ROR1: variants seen among roughly 807,000 people sequenced by gnomAD.
ROR1 encodes the protein inactive tyrosine-protein kinase transmembrane receptor ROR1.
ROR1 carries 19 observed loss-of-function variants against 78.8 expected under a neutral mutation model. The observed-to-expected ratio is 0.24, with a 90% CI of 0.17 to 0.35. The LOEUF (loss-of-function observed/expected upper bound fraction) is 0.35. Among genes scored for constraint, ROR1 ranks in the 10% least tolerant of loss-of-function variants. The pLI is 1.00. For missense variants in ROR1, 917 were observed against 1,177.8 expected, an observed-to-expected ratio of 0.78 and a Z score of 3.24; for synonymous variants, 386 against 433.6, an observed-to-expected ratio of 0.89 and a Z score of 1.36.
At chr1:63,850,332 G>A (rs567016753) in intron 1 of ROR1, among the ~76,000 whole-genome samples, 11 of 152,282 alleles carry the variant, frequency 7.2e-5, no homozygotes, top group South Asian at 6.2e-4. Context: ...ATTTTGCCAT[G>A]AAAACTTTGA....
chr1:63,890,180 T>C (rs1645384333), intron 1 of ROR1, among the ~76,000 whole-genome samples: 1 of 152,092 alleles, frequency 6.6e-6, no homozygotes, highest in Non-Finnish European at 1.5e-5. Flanking sequence ...ATCTGCTTTT[T>C]AATGTCCATA....
chr1:64,153,483 G>A (rs1031555875), intron 7 of ROR1, among the ~76,000 whole-genome samples: 6 of 152,174 alleles, frequency 3.9e-5, no homozygotes, highest in Non-Finnish European at 5.9e-5. Flanking sequence ...CATGATAGCC[G>A]TTTAAGGCAG....
At chr1:64,062,467 A>G (rs1305189977) in intron 4 of ROR1, among the ~76,000 whole-genome samples, 1 of 152,052 alleles carries the variant, frequency 6.6e-6, no homozygotes, top group Non-Finnish European at 1.5e-5. Flanking sequence ...GCCCGCCACC[A>G]TGCCTGGCTA....
chr1:63,877,790 T>TG (rs535743587), intron 1 of ROR1, among the ~76,000 whole-genome samples: 3 of 152,058 alleles, frequency 2.0e-5, no homozygotes, highest in African/African-American at 4.8e-5. Context: ...TTAGACATTT[T>TG]GGGGGGGAAA....
chr1:63,998,617 C>A (rs1264785932), intron 1 of ROR1, among the ~76,000 whole-genome samples: 2 of 152,024 alleles, frequency 1.3e-5, no homozygotes, highest in Non-Finnish European at 2.9e-5. Flanking sequence ...TTTTCAGGGG[C>A]TAAGTGTAAA....
At chr1:64,098,021 A>C (rs757503812) in intron 4 of ROR1, among the ~76,000 whole-genome samples, 20 of 142,566 alleles carry the variant, frequency 1.4e-4, no homozygotes, top group Non-Finnish European at 2.9e-4. Context: ...TCTGCCTCAC[A>C]CTCCCCTATA....
chr1:64,061,012 C>T (rs1366216017), intron 4 of ROR1, among the ~76,000 whole-genome samples: 1 of 152,118 alleles, frequency 6.6e-6, no homozygotes, highest in African/African-American at 2.4e-5. Flanking sequence ...TACACCCTTG[C>T]CTTCTAGGAG....
At chr1:63,936,734 C>T (rs906474199) in intron 1 of ROR1, among the ~76,000 whole-genome samples, 1 of 152,138 alleles carries the variant, frequency 6.6e-6, no homozygotes, top group Non-Finnish European at 1.5e-5. Flanking sequence ...GTGATGTTAC[C>T]CTTCTGAGCA....
At chr1:64,091,904 A>G (rs1647200819) in intron 4 of ROR1, among the ~76,000 whole-genome samples, 1 of 152,180 alleles carries the variant, frequency 6.6e-6, no homozygotes, top group Non-Finnish European at 1.5e-5. Context: ...GGATGGACAG[A>G]TCAAGGGATG....
intron 1 of ROR1, among the ~76,000 whole-genome samples, chr1:63,928,805 T>A (rs990669687): frequency 6.6e-6 from 1 of 152,230 alleles, no homozygotes; most frequent in African/African-American, 2.4e-5. Context: ...CTTAGAACAG[T>A]GCCTGGCACT....
chr1:63,895,379 G>A (rs566312216), intron 1 of ROR1, among the ~76,000 whole-genome samples: 1 of 152,270 alleles, frequency 6.6e-6, no homozygotes, highest in Admixed American at 6.5e-5. Flanking sequence ...GAAACTGTGG[G>A]TAAAGGCTAA....
chr1:64,165,653 T>C (rs920542836), intron 8 of ROR1, among the ~76,000 whole-genome samples: 2 of 151,888 alleles, frequency 1.3e-5, no homozygotes, highest in African/African-American at 4.8e-5. Flanking sequence ...ATATCCTGAA[T>C]GGTATTGCCT....
rs1211782653 is a variant in ROR1 at position 63,786,339 on chromosome 1, C to T, written c.91+11831C>T. 3.1e-5 allele frequency among the ~76,000 whole-genome samples: 4 copies of T among 127,338 alleles called. No homozygotes were observed. In the East Asian group the frequency reaches 1.1e-3, roughly 35 times the overall value. The allele number at this position is 127,338 out of a possible 152,430, so 83.5% of individuals were successfully genotyped here. ...CCAGGCTGGAGTGCAGTGGCACAAT[C>T]TCTGCTCACTGCAAGCTCCGCCTCC... On this transcript the variant is annotated intron_variant, in intron 1 of 8. Transcript: ENST00000371079.
At chr1:63,971,343 T>A (rs1484727431) in intron 1 of ROR1, among the ~76,000 whole-genome samples, 1 of 152,228 alleles carries the variant, frequency 6.6e-6, no homozygotes, top group African/African-American at 2.4e-5. Flanking sequence ...TTAATATATG[T>A]GTAACACACT....
intron 1 of ROR1, among the ~76,000 whole-genome samples, chr1:63,870,773 A>G (rs903818774): frequency 4.6e-5 from 7 of 152,190 alleles, no homozygotes; most frequent in African/African-American, 1.4e-4. Context: ...TGATAACTCA[A>G]ACCTTTCCAA....
chr1:64,135,146 G>A (rs1649060887), intron 4 of ROR1, among the ~76,000 whole-genome samples: 1 of 152,070 alleles, frequency 6.6e-6, no homozygotes, highest in Non-Finnish European at 1.5e-5. Flanking sequence ...CAGGATAGTA[G>A]GAATTCTGGG....
chr1:63,843,730 A>G (rs1645063591), intron 1 of ROR1: 2 of 445,184 alleles, frequency 4.5e-6, no homozygotes, highest in Non-Finnish European at 8.8e-6. Flanking sequence ...GCCGCAGAAG[A>G]CAAGAGCACT....
intron 2 of ROR1, among the ~76,000 whole-genome samples, chr1:64,022,063 T>C (rs1646569403): frequency 6.6e-6 from 1 of 152,112 alleles, no homozygotes; most frequent in East Asian, 1.9e-4. Flanking sequence ...TATTTGGCCA[T>C]AAAAAGGAAT....
At chr1:64,020,790 G>A (rs1300799632) in intron 2 of ROR1, among the ~76,000 whole-genome samples, 1 of 152,106 alleles carries the variant, frequency 6.6e-6, no homozygotes, top group Admixed American at 6.6e-5. Flanking sequence ...TTCAGCAGAC[G>A]GCGAGCTCTG....
Sources: allele counts gnomAD v4.1 joint callset (sites outside exome capture counted in the v4.1 genomes callset), GRCh38; gene constraint gnomAD v4.1.1; transcripts MANE v1.5; gene names NCBI Gene and HGNC (gene_info 2026-07-23, HGNC 2026-07-21).